Variants in MGAM2 observed in about 807,000 individuals in gnomAD.
The protein encoded by MGAM2 is maltase-glucoamylase 2 (putative), also known as probable maltase-glucoamylase 2.
Under a neutral mutation model 96.1 loss-of-function variants are expected in MGAM2, and 98 were observed. The ratio of observed to expected loss-of-function variants is 1.02; its 90% CI spans 0.87 to 1.21. The LOEUF (loss-of-function observed/expected upper bound fraction) is 1.21. Ranked by LOEUF, MGAM2 falls within the 50% of genes most tolerant of loss-of-function variation. The pLI, the probability that MGAM2 is intolerant of heterozygous loss-of-function variation, is 0.00. For missense variants in MGAM2, 2,055 were observed against 1,182.4 expected, an observed-to-expected ratio of 1.74 and a Z score of -10.82; for synonymous variants, 749 against 414.8, an observed-to-expected ratio of 1.81 and a Z score of -9.79.
intron 19 of MGAM2, 102 bp downstream of exon 19, chr7:142,158,434 A>G (rs1795799122): frequency 1.6e-6 from 1 of 622,850 alleles, no homozygotes; most frequent in African/African-American, 1.8e-5. Flanking sequence ...TTATATCAAA[A>G]TATGAATATA....
At chr7:142,199,330 TG>T (rs1797146842) in intron 44 of MGAM2, among the ~76,000 whole-genome samples, 1 of 152,216 alleles carries the variant, frequency 6.6e-6, no homozygotes, top group Non-Finnish European at 1.5e-5. Context: ...ATGGTTTATA[TG>T]AAAGAGGGCT....
rs555200135 is a variant in MGAM2 at position 142,161,137 on chromosome 7, C to G, written c.2358C>G (p.Ser786=). ...NTTTEASRRN[S]LGLIIALDYK... ...TACTCTTTTACAGCCGGAGGAATTC[C>G]CTGGGACTCATCATCGCCTTGGACT... The change falls in exon 22 of 48, where the codon TCC becomes TCG. Residue 786 remains serine (S), a synonymous_variant. Transcript: ENST00000477922. 9 of 702,612 alleles carry G rather than the reference C, an allele frequency of 1.3e-5. No individual in the cohort carries two copies. The South Asian group carries it at 1.3e-4, about 10-fold the overall frequency. The allele number at this position is 702,612 out of a possible 1,614,324, so 43.5% of individuals were successfully genotyped here.
intron 32 of MGAM2, 128 bp from the exon 33 acceptor site, chr7:142,183,138 T>C (rs73158469): frequency 6.9e-6 from 4 of 575,596 alleles, no homozygotes; most frequent in Middle Eastern, 2.7e-4. Flanking sequence ...ATTTTTATTT[T>C]ATTTCATTTT....
chr7:142,153,694 G>T (rs951646094), intron 15 of MGAM2, among the ~76,000 whole-genome samples: 1 of 152,188 alleles, frequency 6.6e-6, no homozygotes. Context: ...CTCAAATCAT[G>T]GTTCCAATAT....
Position 142,186,120 on chromosome 7 carries a change from G to T in MGAM2, c.4119G>T (p.Trp1373Cys), listed in dbSNP as rs1796691617. Residue 1373 changes from tryptophan to cysteine, a missense_variant, in exon 35 of 48, where the codon TGG becomes TGT. Transcript: ENST00000477922. ...AGAGCTTGAAGTTTGATGGATTGTGGATTGTAAGTGCACCCTTGGTTGTCT... is the reference window on the plus strand; with the variant it reads ...AGAGCTTGAAGTTTGATGGATTGTGTATTGTAAGTGCACCCTTGGTTGTCT... ...PEKSLKFDGL[W>C]IDMNEPSNFV... 8.5e-6 allele frequency: 6 copies of T among 704,652 alleles called. No individual in the cohort carries two copies. The highest frequency in any genetic ancestry group is 1.3e-5 in the Non-Finnish European group (5 of 384,770). 43.6% of individuals were successfully genotyped at this position (704,652 alleles called of 1,614,324 possible). A position where few individuals can be genotyped will look rare whatever the true frequency, so the allele number is the denominator to read the frequency against.
intron 37 of MGAM2, among the ~76,000 whole-genome samples, chr7:142,194,712 G>GTA (rs1375813472): frequency 6.6e-6 from 1 of 151,876 alleles, no homozygotes; most frequent in African/African-American, 2.4e-5. Context: ...GTGTGTGTGT[G>GTA]TGTGTGTGTG....
intron 21 of MGAM2, among the ~76,000 whole-genome samples, chr7:142,160,510 A>AATC (rs1312494284): frequency 2.0e-5 from 3 of 152,138 alleles, no homozygotes; most frequent in Non-Finnish European, 4.4e-5. Flanking sequence ...TAGTCAAAGT[A>AATC]ATCACTGAGG....
chr7:142,177,337 G>T (rs1237670545), intron 32 of MGAM2, among the ~76,000 whole-genome samples: 1 of 152,156 alleles, frequency 6.6e-6, no homozygotes, highest in African/African-American at 2.4e-5. Flanking sequence ...AGCAGGGAAA[G>T]ACCTGCCCCC....
intron 28 of MGAM2, 43 bp from the exon 29 acceptor site, chr7:142,172,055 T>C (rs1216422815): frequency 1.5e-6 from 1 of 665,262 alleles, no homozygotes; most frequent in Non-Finnish European, 2.8e-6. Context: ...ATGAAAACAA[T>C]ATCTTGCATT....
chr7:142,169,328 A>C (rs1313268630), intron 26 of MGAM2, among the ~76,000 whole-genome samples: 1 of 152,160 alleles, frequency 6.6e-6, no homozygotes, highest in African/African-American at 2.4e-5. Flanking sequence ...AGGCTGAAGC[A>C]TGGGAATCAC....
At chr7:142,135,200 C>G (rs752711222) in intron 7 of MGAM2, among the ~76,000 whole-genome samples, 1 of 152,176 alleles carries the variant, frequency 6.6e-6, no homozygotes, top group Non-Finnish European at 1.5e-5. Flanking sequence ...TAACCTGTAG[C>G]CCAGCTACCA....
At chr7:142,185,848 G>T in intron 34 of MGAM2, 141 bp from the exon 35 acceptor site, 1 of 535,962 alleles carries the variant, frequency 1.9e-6, no homozygotes, top group Non-Finnish European at 3.3e-6. Flanking sequence ...CTCTGCTTCT[G>T]TTGTAAACTC....
chr7:142,191,249 A>T lies in MGAM2; in HGVS notation c.4346+1744A>T, dbSNP rs1796858892. On this transcript the variant is annotated intron_variant, in intron 37 of 47. Coordinates refer to ENST00000477922, the MANE Select transcript of MGAM2 (RefSeq NM_001293626.2). ...CATTTTGTAAACTTTTCACTTCCAT[A>T]ACCATGCCTTTTGGAGCACATTTTT... Among the ~76,000 whole-genome samples the T allele has an allele frequency of 1.3e-5, 2 of 152,228 alleles. 1 individual carries two copies. The highest frequency in any genetic ancestry group is 4.1e-4 in the South Asian group (2 of 4,836).
intron 14 of MGAM2, among the ~76,000 whole-genome samples, chr7:142,146,270 C>G (rs542098982): frequency 6.6e-6 from 1 of 150,528 alleles, no homozygotes; most frequent in Non-Finnish European, 1.5e-5. Context: ...GTGGTGGACA[C>G]GGCCACTTTT....
chr7:142,179,800 C>T (rs1796485171), intron 32 of MGAM2, among the ~76,000 whole-genome samples: 1 of 152,080 alleles, frequency 6.6e-6, no homozygotes, highest in Admixed American at 6.6e-5. Context: ...CTATGTTCAT[C>T]AGGGATATCA....
chr7:142,203,470 C>T (rs1358486062), intron 45 of MGAM2, among the ~76,000 whole-genome samples: 1 of 152,076 alleles, frequency 6.6e-6, no homozygotes. Context: ...CTAGCAATGT[C>T]ATTTTTCACA....
At chr7:142,156,964 A>T (rs1400633207) in intron 17 of MGAM2, among the ~76,000 whole-genome samples, 2 of 152,054 alleles carry the variant, frequency 1.3e-5, no homozygotes, top group African/African-American at 4.8e-5. Flanking sequence ...CTAATGGGTT[A>T]TTTTTTTACT....
intron 24 of MGAM2, 84 bp from the exon 25 acceptor site, chr7:142,166,014 C>T (rs1423803353): frequency 3.4e-6 from 2 of 596,876 alleles, no homozygotes; most frequent in Non-Finnish European, 6.0e-6. Context: ...TGCCCTTGTC[C>T]TGACTTCCAG....
intron 32 of MGAM2, among the ~76,000 whole-genome samples, chr7:142,180,301 T>C (rs1328102819): frequency 6.6e-6 from 1 of 152,174 alleles, no homozygotes; most frequent in Non-Finnish European, 1.5e-5. Context: ...AAAAAACAGC[T>C]TTTGCTTTTG....
Sources: gnomAD v4.1 joint callset for allele counts (sites outside exome capture counted in the v4.1 genomes callset) on GRCh38, gnomAD v4.1.1 for gene constraint, MANE v1.5 for transcripts, NCBI Gene and HGNC (gene_info 2026-07-23, HGNC 2026-07-21) for gene names.